Variants in FRMPD4 observed in about 807,000 individuals in gnomAD.
The protein encoded by FRMPD4 is FERM and PDZ domain-containing protein 4.
In FRMPD4, 22 loss-of-function variants were observed where a neutral mutation model predicts 94.1. That is an observed-to-expected ratio of 0.23 (90% CI 0.17 to 0.33). The LOEUF (loss-of-function observed/expected upper bound fraction) is 0.33, where lower values mean the gene tolerates loss of function less well. Among genes scored for constraint, FRMPD4 ranks in the 10% least tolerant of loss-of-function variants. The pLI, the probability that FRMPD4 is intolerant of heterozygous loss-of-function variation, is 1.00. For synonymous variants in FRMPD4, 631 were observed against 548.6 expected (o/e 1.15, Z -2.10); for missense variants, 1,111 against 1,339.9 (o/e 0.83, Z 2.67).
chrX:12,465,073 C>A (rs746070524), intron 1 of FRMPD4, among the ~76,000 whole-genome samples: 1 of 111,751 alleles, frequency 8.9e-6, no homozygotes, highest in African/African-American at 3.2e-5. Flanking sequence ...TATATATTCC[C>A]AGTAGTTAGA....
chrX:12,525,515 T>C (rs1420894043), intron 2 of FRMPD4, among the ~76,000 whole-genome samples: 2 of 111,995 alleles, frequency 1.8e-5, no homozygotes, highest in African/African-American at 6.5e-5. Flanking sequence ...GAGCAGATCC[T>C]GAAGGAAATT....
chrX:11,894,116 A>G (rs760455886), intron 3 of FRMPD4, among the ~76,000 whole-genome samples: 7 of 111,669 alleles, frequency 6.3e-5, no homozygotes, highest in Non-Finnish European at 1.1e-4. Flanking sequence ...CCTGCTTGTG[A>G]TCTTCCCTTC....
intron 1 of FRMPD4, among the ~76,000 whole-genome samples, chrX:12,145,322 T>C (rs1197240064): frequency 8.9e-6 from 1 of 112,553 alleles, no homozygotes; most frequent in African/African-American, 3.2e-5. Context: ...TTGGATAACA[T>C]ACTGACCATG....
chrX:12,451,780 C>A lies in FRMPD4; in HGVS notation c.42-46900C>A, dbSNP rs191126233. Among the ~76,000 whole-genome samples the A allele has an allele frequency of 8.6e-5, 9 of 104,605 alleles. No individual in the cohort carries two copies. The East Asian group carries it at 1.5e-3, about 18-fold the overall frequency. 90.8% of individuals were successfully genotyped at this position (104,605 alleles called of 115,157 possible). ...TGTGTGTGTGAATTCTACTTACTTT[C>A]CTCTTTTCCATTCCTGTCTGTGTCC... On this transcript the variant is annotated intron_variant, in intron 1 of 16. Coordinates refer to ENST00000675598, the MANE Select transcript of FRMPD4 (RefSeq NM_001368397.1).
intron 1 of FRMPD4, among the ~76,000 whole-genome samples, chrX:12,159,189 A>T (rs1464157439): frequency 8.9e-6 from 1 of 112,357 alleles, no homozygotes; most frequent in African/African-American, 3.2e-5. Flanking sequence ...ACAGGGACCT[A>T]AATTTAGTCT....
At chrX:12,515,222 G>A (rs2058084566) in intron 2 of FRMPD4, among the ~76,000 whole-genome samples, 2 of 111,225 alleles carry the variant, frequency 1.8e-5, no homozygotes, top group Admixed American at 1.9e-4. Flanking sequence ...TCTGATCTTG[G>A]TTGTTTCTTG....
chrX:12,206,993 AG>A (rs1043331470), intron 1 of FRMPD4, among the ~76,000 whole-genome samples: 11 of 112,139 alleles, frequency 9.8e-5, no homozygotes, highest in African/African-American at 2.6e-4. Flanking sequence ...CATATGAAAT[AG>A]ACTCTTATAA....
intron 3 of FRMPD4, among the ~76,000 whole-genome samples, chrX:11,917,316 A>G (rs769165003): frequency 2.7e-5 from 3 of 112,367 alleles, no homozygotes; most frequent in Admixed American, 9.4e-5. Flanking sequence ...TTAAACCCCT[A>G]TAGAAAACAA....
At chrX:11,881,370 C>G (rs1384618785) in intron 3 of FRMPD4, among the ~76,000 whole-genome samples, 1 of 112,241 alleles carries the variant, frequency 8.9e-6, no homozygotes, top group Non-Finnish European at 1.9e-5. Context: ...GCAAGTCTAT[C>G]AAAATTGCCC....
chrX:12,325,269 A>G (rs1335082227), intron 1 of FRMPD4, among the ~76,000 whole-genome samples: 1 of 112,609 alleles, frequency 8.9e-6, no homozygotes, highest in Admixed American at 9.4e-5. Context: ...GAATGTATCT[A>G]AGCTGAATAA....
Position 12,609,828 on chromosome X carries a change from T to G in FRMPD4, c.266T>G (p.Phe89Cys). 8.3e-7 allele frequency: 1 copy of G among 1,211,344 alleles called. No individual in the cohort carries two copies. The highest frequency in any genetic ancestry group is 1.1e-6 in the Non-Finnish European group (1 of 895,181). Residue 89 changes from phenylalanine (F) to cysteine (C), a missense_variant, in exon 3 of 17, where the codon TTT becomes TGT. Physicochemically the swap from Phe to Cys is radical, Grantham distance 205. This residue lies in a region of FRMPD4 where 140 missense variants were observed against 165.9 expected (regional missense o/e 0.84). Coordinates refer to ENST00000675598, the MANE Select transcript of FRMPD4 (RefSeq NM_001368397.1). The part of the protein sequence containing the change: ...VEMRRDPVLG[F>C]GFVAGSEKPV... ...ATGAGAAGGGACCCCGTGCTGGGAT[T>G]TGGTTTTGTGGCAGGCAGTGAAAAG...
intron 1 of FRMPD4, among the ~76,000 whole-genome samples, chrX:12,148,599 T>A (rs1178646898): frequency 8.9e-6 from 1 of 112,569 alleles, no homozygotes. Context: ...CTAAGATCAC[T>A]GATGAAGATG....
intron 1 of FRMPD4, among the ~76,000 whole-genome samples, chrX:12,405,900 A>C (rs2056660852): frequency 9.0e-6 from 1 of 111,121 alleles, no homozygotes; most frequent in Admixed American, 9.6e-5. Flanking sequence ...TCATTTATTT[A>C]TTTTAGATGG....
At chrX:11,860,361 C>CT (rs2147296965) in intron 1 of FRMPD4, among the ~76,000 whole-genome samples, 1 of 112,032 alleles carries the variant, frequency 8.9e-6, no homozygotes, top group East Asian at 2.8e-4. Flanking sequence ...AAGTTAGCTG[C>CT]TTTCAGGGTT....
intron 1 of FRMPD4, among the ~76,000 whole-genome samples, chrX:12,461,339 G>C (rs1409315191): frequency 8.9e-6 from 1 of 111,999 alleles, no homozygotes; most frequent in Non-Finnish European, 1.9e-5. Context: ...TCAAGAGAAG[G>C]GAAAGAACTT....
At chrX:12,095,847 C>G (rs1480475024) in intron 3 of FRMPD4, among the ~76,000 whole-genome samples, 1 of 112,331 alleles carries the variant, frequency 8.9e-6, no homozygotes, top group Non-Finnish European at 1.9e-5. Context: ...TCTCTCTTGT[C>G]TGGATTATCC....
chrX:12,051,155 G>T (rs2054815524), intron 3 of FRMPD4, among the ~76,000 whole-genome samples: 1 of 111,917 alleles, frequency 8.9e-6, no homozygotes, highest in Non-Finnish European at 1.9e-5. Flanking sequence ...GTAGTAAAAA[G>T]TATAAAGGTG....
chrX:12,226,649 A>G (rs1456804532), intron 1 of FRMPD4, among the ~76,000 whole-genome samples: 1 of 111,479 alleles, frequency 9.0e-6, no homozygotes, highest in Non-Finnish European at 1.9e-5. Flanking sequence ...TAGCCAGAGT[A>G]TCAGAATTTG....
intron 1 of FRMPD4, among the ~76,000 whole-genome samples, chrX:11,837,877 G>A (rs1443568926): frequency 9.0e-6 from 1 of 111,240 alleles, no homozygotes; most frequent in African/African-American, 3.3e-5. Flanking sequence ...TGAATTTAAA[G>A]CAAATATGTT....
Sources: allele counts gnomAD v4.1 joint callset (sites outside exome capture counted in the v4.1 genomes callset), GRCh38; gene constraint gnomAD v4.1.1; regional missense constraint gnomAD v4.1.1; transcripts MANE v1.5; gene names NCBI Gene and HGNC (gene_info 2026-07-23, HGNC 2026-07-21).